Variants in SLC38A1 observed in about 807,000 individuals in gnomAD.
SLC38A1 encodes sodium-coupled neutral amino acid symporter 1.
SLC38A1 carries 18 observed loss-of-function variants against 60.3 expected under a neutral mutation model. That is an observed-to-expected ratio of 0.30 (90% CI 0.21 to 0.44). The LOEUF (loss-of-function observed/expected upper bound fraction) is 0.44, where lower values mean the gene tolerates loss of function less well. Ranked by LOEUF, SLC38A1 falls within the 20% of genes least tolerant of loss-of-function variation. SLC38A1 has a pLI of 1.00. For synonymous variants in SLC38A1, 196 were observed against 212.1 expected (o/e 0.92, Z 0.66); for missense variants, 448 against 587.2 (o/e 0.76, Z 2.45).
intron 16 of SLC38A1, chr12:46,196,402 C>A: frequency 4.7e-6 from 6 of 1,289,538 alleles, no homozygotes; most frequent in Non-Finnish European, 6.2e-6. Context: ...TTGGAAGACC[C>A]TACTACTAGT....
At chr12:46,189,482 AC>A (rs1343835995) in intron 16 of SLC38A1, among the ~76,000 whole-genome samples, 1 of 152,204 alleles carries the variant, frequency 6.6e-6, no homozygotes, top group Non-Finnish European at 1.5e-5. Context: ...TGGCAAGCAA[AC>A]ATTTCTGTTT....
intron 12 of SLC38A1, among the ~76,000 whole-genome samples, chr12:46,201,481 T>C (rs554937731): frequency 6.6e-6 from 1 of 152,300 alleles, no homozygotes; most frequent in Non-Finnish European, 1.5e-5. Flanking sequence ...TTTTTTAATA[T>C]TTGTGCTTGA....
At chr12:46,200,482 T>G (rs1452638583) in intron 13 of SLC38A1, among the ~76,000 whole-genome samples, 2 of 152,054 alleles carry the variant, frequency 1.3e-5, no homozygotes, top group Non-Finnish European at 2.9e-5. Flanking sequence ...TGAAAGATAT[T>G]AAATCAAGCT....
At chr12:46,241,742 G>A (rs1941456811) in intron 2 of SLC38A1, among the ~76,000 whole-genome samples, 1 of 152,108 alleles carries the variant, frequency 6.6e-6, no homozygotes, top group Non-Finnish European at 1.5e-5. Flanking sequence ...TTACCCCTTG[G>A]CCCTCTTTGA....
At chr12:46,226,880 A>G (rs1940887364) in intron 5 of SLC38A1, among the ~76,000 whole-genome samples, 1 of 152,140 alleles carries the variant, frequency 6.6e-6, no homozygotes, top group Non-Finnish European at 1.5e-5. Flanking sequence ...TCAGCCTCCC[A>G]AAGTGCTGGG....
chr12:46,205,554 G>C (rs1939859464), intron 9 of SLC38A1, among the ~76,000 whole-genome samples: 1 of 152,086 alleles, frequency 6.6e-6, no homozygotes, highest in South Asian at 2.1e-4. Flanking sequence ...AAAACAAGTA[G>C]TAGATCAAAG....
At chr12:46,237,670 A>T (rs1040271497) in intron 3 of SLC38A1, among the ~76,000 whole-genome samples, 1 of 151,868 alleles carries the variant, frequency 6.6e-6, no homozygotes, top group Admixed American at 6.6e-5. Context: ...GCAAGTGGTA[A>T]TCATCTAAAA....
chr12:46,211,418 A>G (rs1267183216), intron 5 of SLC38A1, among the ~76,000 whole-genome samples: 2 of 152,244 alleles, frequency 1.3e-5, no homozygotes, highest in African/African-American at 2.4e-5. Flanking sequence ...ATGAATATCT[A>G]CACAATTATT....
At chr12:46,203,399 A>G (rs945159053) in intron 11 of SLC38A1, among the ~76,000 whole-genome samples, 1 of 152,090 alleles carries the variant, frequency 6.6e-6, no homozygotes, top group Non-Finnish European at 1.5e-5. Flanking sequence ...TCTTCCTAGG[A>G]TAGCTCGCTG....
At chr12:46,211,357 A>G (rs867571656) in intron 5 of SLC38A1, among the ~76,000 whole-genome samples, 14 of 152,204 alleles carry the variant, frequency 9.2e-5, no homozygotes, top group Middle Eastern at 3.2e-3. Flanking sequence ...TAATGTATAA[A>G]GAGTATGACC....
chr12:46,213,232 A>G (rs989039518), intron 5 of SLC38A1, among the ~76,000 whole-genome samples: 13 of 152,196 alleles, frequency 8.5e-5, no homozygotes, highest in African/African-American at 2.9e-4. Context: ...CTATTTTGGA[A>G]TTCATTTTTA....
At chr12:46,254,614 A>G (rs780443803) in intron 1 of SLC38A1, among the ~76,000 whole-genome samples, 7 of 152,222 alleles carry the variant, frequency 4.6e-5, no homozygotes, top group Non-Finnish European at 8.8e-5. Context: ...AGGTCTGTGT[A>G]GGCAAGTATG....
chr12:46,223,774 G>A (rs1239924998), intron 5 of SLC38A1, among the ~76,000 whole-genome samples: 1 of 152,104 alleles, frequency 6.6e-6, no homozygotes, highest in Non-Finnish European at 1.5e-5. Context: ...GAAGTGTCGT[G>A]AATTCTACTT....
intron 5 of SLC38A1, among the ~76,000 whole-genome samples, chr12:46,216,787 G>A (rs1319846718): frequency 1.3e-5 from 2 of 152,086 alleles, no homozygotes; most frequent in Non-Finnish European, 2.9e-5. Flanking sequence ...TTGAACCCGG[G>A]AGGCGGAGGT....
chr12:46,197,556 TTC>T, intron 16 of SLC38A1, 162 bp downstream of exon 16: 1 of 573,762 alleles, frequency 1.7e-6, no homozygotes, highest in Non-Finnish European at 3.1e-6. Context: ...TGGGAGAAGA[TTC>T]TGATATGATA....
At chr12:46,262,331 A>T (rs950627758) in intron 1 of SLC38A1, among the ~76,000 whole-genome samples, 2 of 152,224 alleles carry the variant, frequency 1.3e-5, no homozygotes, top group African/African-American at 4.8e-5. Context: ...AAGTTAATGA[A>T]GTCAACCTAT....
chr12:46,238,286 A>G (rs1006124300), intron 3 of SLC38A1, among the ~76,000 whole-genome samples: 5 of 148,798 alleles, frequency 3.4e-5, no homozygotes, highest in African/African-American at 1.3e-4. Context: ...CTTGGATAAT[A>G]ATGAGGAAAA....
At chr12:46,231,872 T>C (rs1393098527) in intron 3 of SLC38A1, among the ~76,000 whole-genome samples, 1 of 152,226 alleles carries the variant, frequency 6.6e-6, no homozygotes, top group Non-Finnish European at 1.5e-5. Context: ...ACTCCTGGCC[T>C]CCCAAAGTGT....
intron 5 of SLC38A1, among the ~76,000 whole-genome samples, chr12:46,223,434 T>C (rs964449289): frequency 2.7e-5 from 4 of 148,778 alleles, no homozygotes; most frequent in African/African-American, 1.0e-4. Context: ...TCTCTCCATC[T>C]CTCTTTCTCT....
Sources: allele counts gnomAD v4.1 joint callset (sites outside exome capture counted in the v4.1 genomes callset), GRCh38; gene constraint gnomAD v4.1.1; transcripts MANE v1.5; gene names NCBI Gene and HGNC (gene_info 2026-07-23, HGNC 2026-07-21).